The following ESR1 variants were observed in gnomAD, a reference collection of about 807,000 sequenced individuals.
ESR1 encodes the protein estrogen receptor 1.
ESR1 carries 12 observed loss-of-function variants against 52.7 expected under a neutral mutation model. The ratio of observed to expected loss-of-function variants is 0.23; its 90% CI spans 0.15 to 0.37. ESR1 has a LOEUF of 0.37. ESR1 is among the 10% of genes least tolerant of loss of function. ESR1 has a pLI of 1.00. For missense variants in ESR1, 584 were observed against 779.7 expected, an observed-to-expected ratio of 0.75 and a Z score of 2.99; for synonymous variants, 305 against 316.8, an observed-to-expected ratio of 0.96 and a Z score of 0.39.
At chr6:151,908,564 C>T (rs1797791595) in intron 3 of ESR1, among the ~76,000 whole-genome samples, 1 of 152,188 alleles carries the variant, frequency 6.6e-6, no homozygotes, top group South Asian at 2.1e-4. Flanking sequence ...AGCTAAGCCT[C>T]TAACTGCATA....
At chr6:151,915,468 G>T (rs1424920022) in intron 3 of ESR1, among the ~76,000 whole-genome samples, 1 of 152,084 alleles carries the variant, frequency 6.6e-6, no homozygotes, top group Non-Finnish European at 1.5e-5. Context: ...CATAACTTCT[G>T]ACTTCTGACT....
intron 5 of ESR1, among the ~76,000 whole-genome samples, chr6:152,029,178 A>G (rs552178817): frequency 1.3e-5 from 2 of 152,352 alleles, no homozygotes; most frequent in South Asian, 2.1e-4. Flanking sequence ...AGATAAATCC[A>G]CAAAGATGGG....
At chr6:151,664,559 A>G (rs1419344035) in intron 1 of ESR1, among the ~76,000 whole-genome samples, 1 of 152,190 alleles carries the variant, frequency 6.6e-6, no homozygotes, top group Non-Finnish European at 1.5e-5. Context: ...CAGAATCCCT[A>G]CTTTCCAGCC....
intron 3 of ESR1, among the ~76,000 whole-genome samples, chr6:151,886,942 G>A (rs1389376601): frequency 2.6e-5 from 4 of 151,802 alleles, no homozygotes; most frequent in Non-Finnish European, 5.9e-5. Flanking sequence ...TTGGGAGCCT[G>A]AGGCAGGAGA....
intron 5 of ESR1, among the ~76,000 whole-genome samples, chr6:152,055,203 G>A (rs1160908723): frequency 6.6e-6 from 1 of 152,134 alleles, no homozygotes; most frequent in African/African-American, 2.4e-5. Flanking sequence ...TATATACCCA[G>A]TAGTGGGATT....
chr6:151,725,575 A>G (rs911204001), intron 2 of ESR1, among the ~76,000 whole-genome samples: 6 of 152,234 alleles, frequency 3.9e-5, no homozygotes, highest in African/African-American at 1.4e-4. Flanking sequence ...ATAGAGAAAA[A>G]GCATATAAAT....
chr6:151,772,949 C>T (rs191078155), intron 2 of ESR1, among the ~76,000 whole-genome samples: 3 of 152,280 alleles, frequency 2.0e-5, no homozygotes, highest in East Asian at 3.9e-4. Context: ...CTCTTTTCCT[C>T]CAGGATCTTA....
intron 2 of ESR1, among the ~76,000 whole-genome samples, chr6:151,775,464 C>T (rs1418497327): frequency 6.6e-6 from 1 of 151,984 alleles, no homozygotes; most frequent in Non-Finnish European, 1.5e-5. Context: ...TAAAACAGTC[C>T]TGGCCAGGCG....
chr6:151,996,053 A>AT (rs1379642184), intron 4 of ESR1, among the ~76,000 whole-genome samples: 1 of 152,152 alleles, frequency 6.6e-6, no homozygotes, highest in African/African-American at 2.4e-5. Flanking sequence ...CACACTGAAT[A>AT]TCATCTCCCT....
At chr6:151,878,264 G>A (rs958620150) in intron 2 of ESR1, among the ~76,000 whole-genome samples, 4 of 152,166 alleles carry the variant, frequency 2.6e-5, no homozygotes, top group Non-Finnish European at 4.4e-5. Flanking sequence ...TTTGTTTCTG[G>A]TTCTATTACT....
chr6:152,042,520 A>G (rs1478486345), intron 5 of ESR1, among the ~76,000 whole-genome samples: 1 of 152,124 alleles, frequency 6.6e-6, no homozygotes, highest in East Asian at 1.9e-4. Flanking sequence ...TCCTGGGGGA[A>G]GGATGGGAGA....
chr6:151,795,487 C>CAAA (rs61142527), intron 2 of ESR1, among the ~76,000 whole-genome samples: 8 of 83,326 alleles, frequency 9.6e-5, no homozygotes, highest in African/African-American at 3.0e-4. Context: ...GACTCCATCT[C>CAAA]AAAAAAAAAA....
chr6:152,040,431 TCA>T (rs1221092877), intron 5 of ESR1, among the ~76,000 whole-genome samples: 4 of 152,214 alleles, frequency 2.6e-5, no homozygotes, highest in Admixed American at 2.0e-4. Flanking sequence ...ACAAATATCT[TCA>T]CAGTTTTTGA....
At chr6:151,996,680 T>G (rs1300285118) in intron 4 of ESR1, among the ~76,000 whole-genome samples, 2 of 152,112 alleles carry the variant, frequency 1.3e-5, no homozygotes, top group Non-Finnish European at 2.9e-5. Context: ...AGCATGCGTA[T>G]AGAGGGTAAA....
At chr6:152,111,269 C>G (rs4870076) in intron 6 of ESR1, among the ~76,000 whole-genome samples, 3,804 of 152,324 alleles carry the variant, frequency 0.025, 86 homozygotes, top group East Asian at 0.07. Context: ...AGCAAGGAAG[C>G]CTTTGGGCAA....
chr6:151,951,874 C>T (rs2036363726), intron 4 of ESR1, among the ~76,000 whole-genome samples: 1 of 152,220 alleles, frequency 6.6e-6, no homozygotes, highest in South Asian at 2.1e-4. Flanking sequence ...CCAGGGGCTC[C>T]ACCCTTGTTC....
intron 3 of ESR1, among the ~76,000 whole-genome samples, chr6:151,895,812 AT>A (rs569488844): frequency 2.4e-4 from 36 of 151,968 alleles, no homozygotes; most frequent in African/African-American, 7.7e-4. Context: ...CGTTAAGGAT[AT>A]TTTTTTGAGA....
chr6:151,850,733 GAGTT>G (rs988341847), intron 2 of ESR1, among the ~76,000 whole-genome samples: 11 of 152,062 alleles, frequency 7.2e-5, no homozygotes, highest in African/African-American at 2.7e-4. Context: ...TCAAACTGGG[GAGTT>G]AGTTATTTCC....
chr6:151,833,502 G>T (rs1387853252), intron 1 of ESR1, among the ~76,000 whole-genome samples: 1 of 152,136 alleles, frequency 6.6e-6, no homozygotes, highest in African/African-American at 2.4e-5. Context: ...AGTGTGGGAG[G>T]ACAGGTTTGC....
Sources: allele counts gnomAD v4.1 joint callset (sites outside exome capture counted in the v4.1 genomes callset), GRCh38; gene constraint gnomAD v4.1.1; transcripts MANE v1.5; gene names NCBI Gene and HGNC (gene_info 2026-07-23, HGNC 2026-07-21).